UBE4B: variants seen among roughly 807,000 people sequenced by gnomAD.
The protein encoded by UBE4B is ubiquitin conjugation factor E4 B.
A neutral mutation model predicts 148.1 loss-of-function variants in UBE4B; 27 were observed. That is an observed-to-expected ratio of 0.18 (90% CI 0.13 to 0.25). UBE4B has a LOEUF of 0.25. Ranked by LOEUF, UBE4B falls within the 10% of genes least tolerant of loss-of-function variation. UBE4B has a pLI of 1.00. For missense variants in UBE4B, 1,170 were observed against 1,662.4 expected (o/e 0.70, Z 5.15); for synonymous variants, 596 against 619.3 (o/e 0.96, Z 0.56).
At chr1:10,128,871 T>G (rs1645545488) in intron 11 of UBE4B, 1 of 152,608 alleles carries the variant, frequency 6.6e-6, no homozygotes, top group East Asian at 1.9e-4. Context: ...GTTGGATGTC[T>G]GAAGGAAAGT....
At chr1:10,036,795 CTT>C (rs1481800819) in intron 1 of UBE4B, among the ~76,000 whole-genome samples, 1 of 152,038 alleles carries the variant, frequency 6.6e-6, no homozygotes, top group African/African-American at 2.4e-5. Context: ...AAATAATACA[CTT>C]ATATTATTGA....
At chr1:10,125,068 T>C (rs1645470534) in intron 10 of UBE4B, among the ~76,000 whole-genome samples, 1 of 152,094 alleles carries the variant, frequency 6.6e-6, no homozygotes, top group South Asian at 2.1e-4. Flanking sequence ...GGAGGCTGCA[T>C]TTAGCTGAGA....
At chr1:10,155,844 G>A (rs1005854911) in intron 21 of UBE4B, among the ~76,000 whole-genome samples, 6 of 152,174 alleles carry the variant, frequency 3.9e-5, no homozygotes, top group African/African-American at 9.7e-5. Context: ...CCAACATGGC[G>A]AAACCCTGTC....
At chr1:10,128,864 G>A (rs911609241) in intron 11 of UBE4B, 2 of 152,564 alleles carry the variant, frequency 1.3e-5, no homozygotes, top group African/African-American at 4.8e-5. Flanking sequence ...TAGGATGGTT[G>A]GATGTCTGAA....
chr1:10,064,782 T>C lies in UBE4B; in HGVS notation c.25-7246T>C, dbSNP rs1020096359. Reference sequence around the variant, plus strand: ...TATTCTGGACTTTTTTTTTTTTTTTTAGATAGAGTCTCACTGTGTTGCCCA... The same window carrying C: ...TATTCTGGACTTTTTTTTTTTTTTTCAGATAGAGTCTCACTGTGTTGCCCA... On this transcript the variant is annotated intron_variant, in intron 1 of 27. Coordinates refer to ENST00000343090, the MANE Select transcript of UBE4B (RefSeq NM_001105562.3). Among the ~76,000 whole-genome samples, 7 of 151,798 alleles carry C rather than the reference T, an allele frequency of 4.6e-5. No homozygotes were observed. The East Asian group carries it at 1.4e-3, about 29-fold the overall frequency.
chr1:10,132,664 G>T (rs1333997679), intron 15 of UBE4B, among the ~76,000 whole-genome samples, 182 bp downstream of exon 15: 2 of 152,144 alleles, frequency 1.3e-5, no homozygotes, highest in African/African-American at 4.8e-5. Context: ...ATAAATACAT[G>T]ATTTTAGACA....
At chr1:10,102,504 G>A (rs1460312211) in intron 4 of UBE4B, among the ~76,000 whole-genome samples, 1 of 142,396 alleles carries the variant, frequency 7.0e-6, no homozygotes, top group Non-Finnish European at 1.5e-5. Flanking sequence ...TCCGCCTCCT[G>A]GGTTCAAGCG....
intron 2 of UBE4B, among the ~76,000 whole-genome samples, chr1:10,084,122 T>G (rs1245647181): frequency 6.6e-6 from 1 of 152,052 alleles, no homozygotes; most frequent in Non-Finnish European, 1.5e-5. Flanking sequence ...CCAGTAGCAC[T>G]CTCCCCACAC....
intron 22 of UBE4B, 143 bp downstream of exon 22, chr1:10,158,625 A>T: frequency 9.1e-7 from 1 of 1,097,328 alleles, no homozygotes; most frequent in African/African-American, 1.6e-5. Context: ...GATGCCACTA[A>T]ATGTGGGCAG....
chr1:10,033,803 C>T (rs1216350639), intron 1 of UBE4B, 109 bp downstream of exon 1: 1 of 1,182,946 alleles, frequency 8.5e-7, no homozygotes, highest in Non-Finnish European at 1.1e-6. Context: ...GGAGAAGGAA[C>T]GGAGATGATA....
intron 3 of UBE4B, among the ~76,000 whole-genome samples, chr1:10,099,943 A>C (rs1223529800): frequency 6.6e-6 from 1 of 152,112 alleles, no homozygotes; most frequent in African/African-American, 2.4e-5. Context: ...AGTTTTTATA[A>C]TAAGACTTCA....
intron 17 of UBE4B, among the ~76,000 whole-genome samples, chr1:10,144,298 G>A (rs1028983428): frequency 5.9e-5 from 9 of 152,082 alleles, no homozygotes; most frequent in Non-Finnish European, 1.2e-4. Context: ...AAGTAACCTC[G>A]AATTTTCATG....
intron 20 of UBE4B, 77 bp from the exon 21 acceptor site, chr1:10,151,249 A>G: frequency 1.5e-6 from 2 of 1,369,438 alleles, no homozygotes; most frequent in Admixed American, 3.7e-5. Context: ...TCACTTACTG[A>G]CACCAGCCTT....
rs183358762 is a variant in UBE4B at position 10,108,036 on chromosome 1, T to G, written c.1196+1453T>G. Among the ~76,000 whole-genome samples, 16 of 152,328 alleles carry G rather than the reference T, an allele frequency of 1.1e-4. No homozygotes were observed. In the East Asian group the frequency reaches 3.1e-3, roughly 29 times the overall value. ...TCATTTATCTATTGCGAGAATGTTA[T>G]TGTGAACTACCAGATGTGACAACTT... On this transcript the variant is annotated intron_variant, in intron 7 of 27. Coordinates refer to ENST00000343090, the MANE Select transcript of UBE4B (RefSeq NM_001105562.3).
chr1:10,111,304 T>G (rs1299769623), intron 7 of UBE4B, among the ~76,000 whole-genome samples: 1 of 152,022 alleles, frequency 6.6e-6, no homozygotes, highest in African/African-American at 2.4e-5. Flanking sequence ...TCCCTCTACT[T>G]GTCTACTTCC....
intron 1 of UBE4B, among the ~76,000 whole-genome samples, chr1:10,066,707 A>T (rs987086212): frequency 6.6e-6 from 1 of 152,048 alleles, no homozygotes; most frequent in Non-Finnish European, 1.5e-5. Context: ...GGAGTTTGAG[A>T]CCAGCCTGAC....
intron 1 of UBE4B, among the ~76,000 whole-genome samples, chr1:10,060,910 A>G (rs989309626): frequency 6.6e-6 from 1 of 152,050 alleles, no homozygotes; most frequent in African/African-American, 2.4e-5. Flanking sequence ...TGCCCAGCTA[A>G]TTTTTAAAAT....
chr1:10,179,666 A>G, intron 27 of UBE4B, 104 bp downstream of exon 27: 1 of 1,546,306 alleles, frequency 6.5e-7, no homozygotes, highest in Non-Finnish European at 8.7e-7. Flanking sequence ...TATCAAATGC[A>G]GAAACTACCT....
chr1:10,096,017 T>G (rs972514140), intron 3 of UBE4B, among the ~76,000 whole-genome samples: 6 of 152,160 alleles, frequency 3.9e-5, no homozygotes, highest in African/African-American at 1.4e-4. Flanking sequence ...GAGATCTTCC[T>G]GCCTTGGCCT....
Sources: allele counts gnomAD v4.1 joint callset (sites outside exome capture counted in the v4.1 genomes callset), GRCh38; gene constraint gnomAD v4.1.1; transcripts MANE v1.5; gene names NCBI Gene and HGNC (gene_info 2026-07-23, HGNC 2026-07-21).